Variants in LRRC4C observed in about 807,000 individuals in gnomAD.
LRRC4C encodes the protein leucine rich repeat containing 4C.
A neutral mutation model predicts 33.6 loss-of-function variants in LRRC4C; 5 were observed. That is an observed-to-expected ratio of 0.15 (90% CI 0.08 to 0.31). LRRC4C has a LOEUF of 0.31. Ranked by LOEUF, LRRC4C falls within the 10% of genes least tolerant of loss-of-function variation. LRRC4C has a pLI of 1.00. For missense variants in LRRC4C, 560 were observed against 796.7 expected (o/e 0.70, Z 3.58); for synonymous variants, 329 against 302.0 (o/e 1.09, Z -0.93).
At chr11:40,683,009 G>A (rs1944773923) in intron 2 of LRRC4C, among the ~76,000 whole-genome samples, 1 of 152,148 alleles carries the variant, frequency 6.6e-6, no homozygotes, top group Non-Finnish European at 1.5e-5. Flanking sequence ...AAGATGGCTG[G>A]ATGCAAAAGA....
intron 1 of LRRC4C, among the ~76,000 whole-genome samples, chr11:41,282,349 AT>A (rs769633486): frequency 2.0e-4 from 31 of 152,200 alleles, no homozygotes; most frequent in South Asian, 2.1e-4. Flanking sequence ...TCAACATTAA[AT>A]TTACCACCAA....
At chr11:41,128,538 A>G (rs1482913019) in intron 1 of LRRC4C, among the ~76,000 whole-genome samples, 2 of 152,066 alleles carry the variant, frequency 1.3e-5, no homozygotes, top group Non-Finnish European at 2.9e-5. Context: ...AACAAATCAC[A>G]ACTTTCATGA....
At chr11:41,061,766 G>A (rs950110984) in intron 1 of LRRC4C, among the ~76,000 whole-genome samples, 1 of 151,854 alleles carries the variant, frequency 6.6e-6, no homozygotes, top group Non-Finnish European at 1.5e-5. Flanking sequence ...GCAGATTCAC[G>A]TTTGTCCATT....
intron 1 of LRRC4C, among the ~76,000 whole-genome samples, chr11:41,184,496 C>A (rs910891947): frequency 2.2e-4 from 33 of 152,298 alleles, no homozygotes; most frequent in African/African-American, 6.7e-4. Context: ...TAACAAGAGT[C>A]ACTTTTGTTC....
chr11:40,429,568 T>A (rs936095656), intron 3 of LRRC4C, among the ~76,000 whole-genome samples: 22 of 147,780 alleles, frequency 1.5e-4, no homozygotes, highest in African/African-American at 5.0e-4. Flanking sequence ...GCAATAATAA[T>A]AAAAAAAAAA....
chr11:40,156,706 C>A (rs140872392), intron 5 of LRRC4C, among the ~76,000 whole-genome samples: 4 of 151,632 alleles, frequency 2.6e-5, no homozygotes, highest in African/African-American at 9.7e-5. Context: ...TATACCTAAC[C>A]AAGGAGTCAA....
intron 1 of LRRC4C, among the ~76,000 whole-genome samples, chr11:41,443,771 A>T (rs540955495): frequency 7.0e-6 from 1 of 142,218 alleles, no homozygotes; most frequent in Admixed American, 7.2e-5. Context: ...GCCCACCACC[A>T]CACCTAGCTA....
rs114276276 is a variant in LRRC4C, at chr11:40,863,342, C to G, written c.-407+70293G>C. On this transcript the variant is annotated intron_variant, in intron 2 of 6. Coordinates refer to ENST00000528697, the MANE Select transcript of LRRC4C (RefSeq NM_001258419.2). ...CCAAGAAAATGGAAAGGCTCATTCA[C>G]TATGCCAAGTAGAAATTTAAGGACG... Among the ~76,000 whole-genome samples, 1,427 of 152,264 alleles carry G rather than the reference C, an allele frequency of 9.4e-3. 25 individuals carry two copies. The highest frequency in any genetic ancestry group is 0.033 in the African/African-American group (1,360 of 41,544).
intron 5 of LRRC4C, among the ~76,000 whole-genome samples, chr11:40,206,314 C>G (rs181897966): frequency 2.3e-3 from 356 of 152,250 alleles, no homozygotes; most frequent in African/African-American, 8.3e-3. Flanking sequence ...CGGCTCACTG[C>G]AACCTCCGCC....
At chr11:41,236,708 G>GA (rs1565505538) in intron 1 of LRRC4C, among the ~76,000 whole-genome samples, 1 of 152,004 alleles carries the variant, frequency 6.6e-6, no homozygotes, top group South Asian at 2.1e-4. Flanking sequence ...TTTGAAAAAA[G>GA]AAAAATGTTA....
intron 5 of LRRC4C, among the ~76,000 whole-genome samples, chr11:40,236,446 C>G (rs962329117): frequency 2.0e-5 from 3 of 152,154 alleles, no homozygotes; most frequent in Non-Finnish European, 4.4e-5. Context: ...TATGATATAT[C>G]AGTAGAACTA....
chr11:41,349,864 A>G (rs941437915), intron 1 of LRRC4C, among the ~76,000 whole-genome samples: 2 of 152,198 alleles, frequency 1.3e-5, no homozygotes, highest in African/African-American at 4.8e-5. Flanking sequence ...ACAATAATAG[A>G]TCCATTATAT....
intron 4 of LRRC4C, among the ~76,000 whole-genome samples, chr11:40,308,513 G>T (rs1405722228): frequency 1.3e-5 from 2 of 152,162 alleles, no homozygotes; most frequent in African/African-American, 4.8e-5. Flanking sequence ...TTTGAAATGG[G>T]AGATTATCCT....
intron 3 of LRRC4C, among the ~76,000 whole-genome samples, chr11:40,444,326 AATTTATTTT>A (rs1951529034): frequency 2.1e-5 from 3 of 142,854 alleles, no homozygotes; most frequent in East Asian, 2.1e-4. Context: ...CATTTTTTTT[AATTTATTTT>A]ATTTATTTTA....
intron 1 of LRRC4C, among the ~76,000 whole-genome samples, chr11:41,408,728 T>A (rs1290944065): frequency 1.4e-5 from 2 of 139,374 alleles, no homozygotes; most frequent in Non-Finnish European, 3.0e-5. Context: ...AACAATTCTA[T>A]GAGAAAGGTA....
chr11:41,419,716 C>T (rs1954810044), intron 1 of LRRC4C, among the ~76,000 whole-genome samples: 1 of 151,944 alleles, frequency 6.6e-6, no homozygotes, highest in African/African-American at 2.4e-5. Context: ...ACAAAACTCT[C>T]CATAAACCAC....
At chr11:41,199,753 C>T (rs1054931378) in intron 1 of LRRC4C, among the ~76,000 whole-genome samples, 4 of 152,078 alleles carry the variant, frequency 2.6e-5, no homozygotes, top group African/African-American at 9.7e-5. Context: ...CCAAGGGAGT[C>T]CCAAATGTGG....
intron 1 of LRRC4C, among the ~76,000 whole-genome samples, chr11:41,136,538 G>T (rs908789990): frequency 2.6e-5 from 4 of 152,130 alleles, no homozygotes; most frequent in Non-Finnish European, 4.4e-5. Flanking sequence ...GTTAAGTTGG[G>T]CATTTAAGCA....
Position 40,523,674 on chromosome 11 carries a change from G to A in LRRC4C, c.-270+124468C>T, listed in dbSNP as rs776484942. 5.1e-4 allele frequency among the ~76,000 whole-genome samples: 78 copies of A among 151,628 alleles called. 1 individual carries two copies. The highest frequency in any genetic ancestry group is 3.3e-3 in the Admixed American group (50 of 15,220). Reference sequence around the variant, plus strand: ...TAATACTTGGGTTTCCATAAGGAGAGGTAAACTTCACTCTCCAATGGGAAA... The same window carrying A: ...TAATACTTGGGTTTCCATAAGGAGAAGTAAACTTCACTCTCCAATGGGAAA... On this transcript the variant is annotated intron_variant, in intron 3 of 6. Coordinates refer to ENST00000528697, the MANE Select transcript of LRRC4C (RefSeq NM_001258419.2).
Sources: gnomAD v4.1 joint callset for allele counts (sites outside exome capture counted in the v4.1 genomes callset) on GRCh38, gnomAD v4.1.1 for gene constraint, MANE v1.5 for transcripts, NCBI Gene and HGNC (gene_info 2026-07-23, HGNC 2026-07-21) for gene names.